Variants in MAP4K5 observed in about 807,000 individuals in gnomAD.
MAP4K5 encodes MAPK/ERK kinase kinase kinase 5.
A neutral mutation model predicts 135.6 loss-of-function variants in MAP4K5; 82 were observed. The observed-to-expected ratio is 0.60, with a 90% confidence interval of 0.51 to 0.73. The LOEUF is 0.73. MAP4K5 is among the 30% of genes least tolerant of loss of function. MAP4K5 has a pLI of 0.00. For missense variants in MAP4K5, 907 were observed against 1,010.9 expected, an observed-to-expected ratio of 0.90 and a Z score of 1.39; for synonymous variants, 347 against 335.0, an observed-to-expected ratio of 1.04 and a Z score of -0.39.
chr14:50,520,441 T>C (rs964164306), intron 2 of MAP4K5, among the ~76,000 whole-genome samples: 1 of 151,948 alleles, frequency 6.6e-6, no homozygotes, highest in Non-Finnish European at 1.5e-5. Flanking sequence ...GCGAAGGTAG[T>C]AGTGAGCCGA....
chr14:50,473,996 T>C (rs778774932), intron 9 of MAP4K5, among the ~76,000 whole-genome samples: 1 of 152,156 alleles, frequency 6.6e-6, no homozygotes, highest in Admixed American at 6.5e-5. Flanking sequence ...AGTGCTGGGA[T>C]TACAGGTGTG....
intron 3 of MAP4K5, among the ~76,000 whole-genome samples, chr14:50,504,322 T>C (rs779452616): frequency 1.3e-5 from 2 of 152,102 alleles, no homozygotes; most frequent in Non-Finnish European, 2.9e-5. Context: ...TAGTTTTATT[T>C]GCAAAGCAAA....
chr14:50,422,041 G>A (rs913306963), intron 32 of MAP4K5, among the ~76,000 whole-genome samples: 6 of 151,938 alleles, frequency 3.9e-5, no homozygotes, highest in African/African-American at 7.3e-5. Context: ...ACAGGGACAC[G>A]CCACCATACC....
intron 2 of MAP4K5, 28 bp from the exon 3 acceptor site, chr14:50,504,885 T>C (rs758233815): frequency 1.5e-5 from 22 of 1,457,426 alleles, no homozygotes; most frequent in African/African-American, 1.4e-5. Context: ...ACAAAAATCT[T>C]GTTAATTAAA....
chr14:50,540,574 T>C (rs1400051880), intron 2 of MAP4K5, among the ~76,000 whole-genome samples: 2 of 152,280 alleles, frequency 1.3e-5, no homozygotes, highest in Middle Eastern at 3.4e-3. Context: ...TTCTCATACA[T>C]TCTGGAGGTT....
chr14:50,459,653 T>C (rs1595464204), intron 13 of MAP4K5, among the ~76,000 whole-genome samples: 2 of 152,152 alleles, frequency 1.3e-5, no homozygotes. Context: ...ACCACTTCCT[T>C]CTTCCTTGTT....
chr14:50,499,582 C>T (rs1002333672), intron 3 of MAP4K5, among the ~76,000 whole-genome samples: 19 of 151,850 alleles, frequency 1.3e-4, no homozygotes, highest in African/African-American at 4.1e-4. Context: ...CACTTGAACC[C>T]GGTTGGCAAA....
chr14:50,476,090 A>T, intron 8 of MAP4K5, 38 bp downstream of exon 8: 1 of 1,249,472 alleles, frequency 8.0e-7, no homozygotes, highest in Non-Finnish European at 1.1e-6. Flanking sequence ...ATGTCATTAA[A>T]TTTTTGGAAA....
intron 2 of MAP4K5, among the ~76,000 whole-genome samples, chr14:50,521,603 T>G (rs760636331): frequency 1.3e-5 from 2 of 152,206 alleles, no homozygotes; most frequent in Non-Finnish European, 1.5e-5. Context: ...GAGAGTGTTA[T>G]ACAAACATTA....
intron 1 of MAP4K5, among the ~76,000 whole-genome samples, chr14:50,556,812 A>G (rs914231566): frequency 6.6e-6 from 1 of 152,218 alleles, no homozygotes; most frequent in African/African-American, 2.4e-5. Context: ...ATGTTGTACC[A>G]TATATTGGTA....
Position 50,526,898 on chromosome 14 carries a change from A to G in MAP4K5, c.108+5044T>C, listed in dbSNP as rs371200208. On this transcript the variant is annotated intron_variant, in intron 2 of 32. Coordinates refer to ENST00000682126, the MANE Select transcript of MAP4K5 (RefSeq NM_006575.6). ...ATTCATCTAGCATCCAGAGGAACCC[A>G]CGTTAGTGATAAGACTACATGACAA... Among the ~76,000 whole-genome samples, 18 of 152,336 alleles carry G rather than the reference A, an allele frequency of 1.2e-4. No homozygotes were observed. In the East Asian group the frequency reaches 3.5e-3, roughly 29 times the overall value.
intron 3 of MAP4K5, among the ~76,000 whole-genome samples, chr14:50,493,860 C>T (rs184067488): frequency 6.3e-4 from 96 of 151,634 alleles, no homozygotes; most frequent in Admixed American, 1.3e-3. Context: ...TGGTGGTGGG[C>T]GCCTGTACTC....
intron 16 of MAP4K5, 44 bp downstream of exon 16, chr14:50,447,370 T>C (rs1175631648): frequency 1.4e-5 from 17 of 1,198,024 alleles, no homozygotes; most frequent in Admixed American, 9.0e-5. Flanking sequence ...ACTGTTCTTA[T>C]GTAATCAAAT....
intron 2 of MAP4K5, among the ~76,000 whole-genome samples, chr14:50,524,790 T>C (rs1379533012): frequency 6.6e-6 from 1 of 151,888 alleles, no homozygotes; most frequent in Non-Finnish European, 1.5e-5. Flanking sequence ...TTAACAGGAA[T>C]ATTATTCTAA....
At chr14:50,438,765 A>G (rs947573401) in intron 23 of MAP4K5, among the ~76,000 whole-genome samples, 1 of 152,158 alleles carries the variant, frequency 6.6e-6, no homozygotes, top group Non-Finnish European at 1.5e-5. Flanking sequence ...TATTCTGCCT[A>G]AACATTAAAC....
chr14:50,481,246 T>C (rs185954701), intron 6 of MAP4K5, among the ~76,000 whole-genome samples: 2 of 151,116 alleles, frequency 1.3e-5, no homozygotes, highest in South Asian at 4.1e-4. Flanking sequence ...GTAAACGTTA[T>C]AGGAATATAC....
At chr14:50,427,126 C>G (rs74050299) in intron 30 of MAP4K5, among the ~76,000 whole-genome samples, 1 of 151,918 alleles carries the variant, frequency 6.6e-6, no homozygotes, top group Non-Finnish European at 1.5e-5. Context: ...TGTAATTATT[C>G]CAAGGTTTAC....
chr14:50,420,898 G>A (rs10141220), intron 32 of MAP4K5, among the ~76,000 whole-genome samples: 8 of 151,422 alleles, frequency 5.3e-5, no homozygotes, highest in Admixed American at 1.3e-4. Context: ...AAAAAAAAAA[G>A]AAGTACTATT....
chr14:50,451,048 A>G (rs1350914907), intron 14 of MAP4K5, among the ~76,000 whole-genome samples: 1 of 152,214 alleles, frequency 6.6e-6, no homozygotes, highest in Non-Finnish European at 1.5e-5. Flanking sequence ...TAGACACAGT[A>G]AGTGAGCAGA....
Sources: gnomAD v4.1 joint callset for allele counts (sites outside exome capture counted in the v4.1 genomes callset) on GRCh38, gnomAD v4.1.1 for gene constraint, MANE v1.5 for transcripts, NCBI Gene and HGNC (gene_info 2026-07-23, HGNC 2026-07-21) for gene names.